Variants in OBSL1 observed in about 807,000 individuals in gnomAD.
OBSL1 encodes the protein obscurin like cytoskeletal adaptor 1, also known as obscurin-like protein 1.
Under a neutral mutation model 172.0 loss-of-function variants are expected in OBSL1, and 160 were observed. The ratio of observed to expected loss-of-function variants is 0.93; its 90% CI spans 0.82 to 1.06. OBSL1 has a LOEUF of 1.06. OBSL1 is among the 50% of genes least tolerant of loss of function. The probability of loss-of-function intolerance (pLI) is 0.00; values close to 1 mark genes in which losing one functional copy is unlikely to be tolerated. For synonymous variants in OBSL1, 1,200 were observed against 1,196.3 expected, an observed-to-expected ratio of 1.00 and a Z score of -0.06; for missense variants, 2,681 against 2,715.4, an observed-to-expected ratio of 0.99 and a Z score of 0.28.
Position 219,554,579 on chromosome 2 carries a change from C to T in OBSL1, c.4771G>A (p.Gly1591Ser), listed in dbSNP as rs771265913. ...TTGAGTACCAGTCGGTGACGGTGGC[C>T]GTCCGAGTGGATGTGACACTTGGGT... ...PGPKCHIHSD[G>S]HRHRLVLNGL... Residue 1591 changes from glycine (G) to serine (S), a missense_variant, in exon 15 of 21, where the codon GGC (glycine) becomes AGC (serine). This residue lies in a region of OBSL1 where 1,765 missense variants were observed against 1,748.3 expected (regional missense o/e 1.01). Transcript: ENST00000404537. 97 of 1,613,216 alleles carry T rather than the reference C, an allele frequency of 6.0e-5. No individual in the cohort carries two copies. The highest frequency in any genetic ancestry group is 8.0e-5 in the African/African-American group (6 of 74,916).
chr2:219,557,005 G>A, intron 12 of OBSL1: 3 of 499,026 alleles, frequency 6.0e-6, no homozygotes, highest in East Asian at 6.1e-5. Flanking sequence ...TGTCACAACA[G>A]GCCTATAAGA....
At chr2:219,547,947 A>G (rs201506311), downstream of OBSL1, 31 of 1,592,482 alleles carry the variant, frequency 1.9e-5, no homozygotes, top group Admixed American at 4.3e-4. Flanking sequence ...TACGTGGTGG[A>G]GCGACTCCGG....
chr2:219,563,770 T>C, intron 6 of OBSL1, 143 bp from the exon 7 acceptor site: 1 of 882,678 alleles, frequency 1.1e-6, no homozygotes, highest in East Asian at 2.5e-5. Context: ...TCAGGGACAA[T>C]GACAAGGAAT....
Position 219,570,301 on chromosome 2 carries a change from G to A in OBSL1, c.932C>T (p.Ala311Val). Reference protein sequence around the residue: ...GFVLKVLYCQAKDRGLYVCAA... With the variant: ...GFVLKVLYCQVKDRGLYVCAA... Reference sequence around the variant, plus strand: ...GCAGACGTAGAGCCCACGATCCTTGGCCTGGCAGTAAAGCACCTTGAGCAC... The same window carrying A: ...GCAGACGTAGAGCCCACGATCCTTGACCTGGCAGTAAAGCACCTTGAGCAC... Residue 311 changes from alanine to valine, a missense_variant, in exon 1 of 21, where the codon GCC (alanine) becomes GTC (valine). Around this residue, in one of 5 missense-constraint regions of OBSL1, gnomAD observed 706 missense variants for 695.8 expected, o/e 1.01. Transcript: ENST00000404537. The A allele has an allele frequency of 6.2e-7, 1 of 1,610,422 alleles. No individual in the cohort carries two copies. Among genetic ancestry groups the A allele is most frequent in the Non-Finnish European group, 8.5e-7 (1 of 1,177,696 alleles).
chr2:219,563,558 A>G lies in OBSL1; in HGVS notation c.2477T>C (p.Met826Thr), dbSNP rs1476978108. 6 of 1,612,796 alleles carry G rather than the reference A, an allele frequency of 3.7e-6. No individual in the cohort carries two copies. In the East Asian group the frequency reaches 6.7e-5, roughly 18 times the overall value. ...CTCTCGGTCCACCTCACAGGCCAGC[A>G]TGACACACTCGGAAGTTATGGCATG... ...FVHAITSECV[M>T]LACEVDREDA... The change falls in exon 7 of 21, where the codon ATG becomes ACG. Residue 826 changes from methionine (M) to threonine (T), a missense_variant. Physicochemically the swap from Met to Thr is moderately conservative, Grantham distance 81. Transcript: ENST00000404537.
chr2:219,557,892 C>T lies in OBSL1; in HGVS notation c.3721G>A (p.Gly1241Arg). Residue 1241 changes from glycine to arginine, a missense_variant, in exon 11 of 21, where the codon GGG (glycine) becomes AGG (arginine). Gly to Arg is a moderately radical substitution (Grantham distance 125). Transcript: ENST00000404537. ...CIQAAGPAHA[G>R]LYTCQSGAAP... The stretch of plus-strand genomic sequence containing the variant: ...GCTCCAGACTGGCAGGTGTAGAGCC[C>T]TGCATGGGCTGGGCCTGCAGCCTGG... 1.2e-6 allele frequency: 2 copies of T among 1,602,054 alleles called. No homozygotes were observed. Among genetic ancestry groups the T allele is most frequent in the Admixed American group, 1.7e-5 (1 of 59,988 alleles).
At position 219,563,569 on chromosome 2, in the gene OBSL1, G is replaced by A. The variant is rs146306059; in HGVS notation, c.2466C>T (p.Ser822=). 2.7e-4 allele frequency: 429 copies of A among 1,613,794 alleles called. No individual in the cohort carries two copies. In the African/African-American group the frequency reaches 5.0e-3, roughly 19 times the overall value. Residue 822 remains serine (S), a synonymous_variant, in exon 7 of 21, where the codon TCC becomes TCT. Coordinates refer to ENST00000404537, the MANE Select transcript of OBSL1 (RefSeq NM_015311.3). ...REHVFVHAIT[S]ECVMLACEVD... Reference sequence around the variant, plus strand: ...CCTCACAGGCCAGCATGACACACTCGGAAGTTATGGCATGCACGAACACAT... The same window carrying A: ...CCTCACAGGCCAGCATGACACACTCAGAAGTTATGGCATGCACGAACACAT...
Position 219,552,876 on chromosome 2 carries a change from G to T in OBSL1, c.5138C>A (p.Thr1713Asn), listed in dbSNP as rs949715202. ...CATCACCCCGTACCCACCGCGCACGGTCAGGCGGACCGGTCCGGCGCGGGC... is the reference window on the plus strand; with the variant it reads ...CATCACCCCGTACCCACCGCGCACGTTCAGGCGGACCGGTCCGGCGCGGGC... ...GTARAGPVRL[T>N]VRERTVAVLS... Residue 1713 changes from threonine to asparagine, a missense_variant, in exon 17 of 21, where the codon ACC becomes AAC. Transcript: ENST00000404537. The T allele has an allele frequency of 6.5e-7, 1 of 1,542,606 alleles. No individual in the cohort carries two copies. The highest frequency in any genetic ancestry group is 8.7e-7 in the Non-Finnish European group (1 of 1,145,350).
chr2:219,557,722 G>T (rs1438665817), intron 11 of OBSL1, 101 bp downstream of exon 11: 4 of 1,534,340 alleles, frequency 2.6e-6, no homozygotes, highest in African/African-American at 2.8e-5. Context: ...TGGGGCCAGG[G>T]ATGGGCAAGG....
At position 219,561,945 on chromosome 2, in the gene OBSL1, G is replaced by A. The variant is rs867064806; in HGVS notation, c.2953+457C>T. On this transcript the variant is annotated intron_variant, in intron 8 of 20. Coordinates refer to ENST00000404537, the MANE Select transcript of OBSL1 (RefSeq NM_015311.3). The stretch of plus-strand genomic sequence containing the variant: ...GCGGGACCAGAGCCGCCGGGTCTTC[G>A]GCTTTTTCAAGAGGACGCATAACTC... The A allele has an allele frequency of 8.1e-5, 58 of 717,398 alleles. No individual in the cohort carries two copies. In the African/African-American group the frequency reaches 8.2e-4, roughly 10 times the overall value. The allele number at this position is 717,398 out of a possible 1,614,324, so 44.4% of individuals were successfully genotyped here.
In OBSL1 at chr2:219,570,584, G is replaced by A; in HGVS notation, c.649C>T (p.His217Tyr). 1 of 1,520,266 alleles carries A rather than the reference G, an allele frequency of 6.6e-7. No individual in the cohort carries two copies. The allele number at this position is 1,520,266 out of a possible 1,614,324, so 94.2% of individuals were successfully genotyped here. The change falls in exon 1 of 21, where the codon CAC becomes TAC. Residue 217 changes from histidine to tyrosine, a missense_variant. Around this residue, in one of 5 missense-constraint regions of OBSL1, gnomAD observed 706 missense variants for 695.8 expected, o/e 1.01. Coordinates refer to ENST00000404537, the MANE Select transcript of OBSL1 (RefSeq NM_015311.3). Reference protein sequence around the residue: ...YVCHARNAHGHAQAGALLQVH... With the variant: ...YVCHARNAHGYAQAGALLQVH... The stretch of plus-strand genomic sequence containing the variant: ...TGGAGCAGCGCCCCCGCCTGCGCGT[G>A]GCCGTGCGCGTTGCGGGCGTGGCAC...
rs909076054 is a variant in OBSL1 at position 219,554,332 on chromosome 2, C to T, written c.4876+142G>A. 43 of 1,038,112 alleles carry T rather than the reference C, an allele frequency of 4.1e-5. No homozygotes were observed. In the Admixed American group the frequency reaches 4.9e-4, roughly 12 times the overall value. 64.3% of individuals were successfully genotyped at this position (1,038,112 alleles called of 1,614,324 possible). On this transcript the variant is annotated intron_variant, in intron 15 of 20. Transcript: ENST00000404537. ...CAGGGCCTATGAGTCAGGGGGATCA[C>T]ACTCTGGCAGGGATGTCAATGAGGG...
At position 219,568,795 on chromosome 2, in the gene OBSL1, A is replaced by G. The variant is rs1697122741; in HGVS notation, c.1013-471T>C. Among the ~76,000 whole-genome samples the G allele has an allele frequency of 6.6e-6, 1 of 151,518 alleles. No individual in the cohort carries two copies. The highest frequency in any genetic ancestry group is 1.5e-5 in the Non-Finnish European group (1 of 67,906). On this transcript the variant is annotated intron_variant, in intron 1 of 20. Coordinates refer to ENST00000404537, the MANE Select transcript of OBSL1 (RefSeq NM_015311.3). The surrounding 1 kb of genome is among the most constrained non-coding windows in gnomAD (Gnocchi z 4.1). Reference sequence around the variant, plus strand: ...AGTCTCGCTCTGTTGCCCAGGCTGGAGTGCAGTCGCGCAATCTCGGCTCAC... The same window carrying G: ...AGTCTCGCTCTGTTGCCCAGGCTGGGGTGCAGTCGCGCAATCTCGGCTCAC...
rs1380656179 is a variant in OBSL1 at position 219,565,516 on chromosome 2, T to C, written c.2135-2A>G. The stretch of plus-strand genomic sequence containing the variant: ...GGCTCAGGATGTGCACCGGGCTCTC[T>C]GTGTGGGGAGAAGTACAGATAAGCA... On this transcript the variant is annotated splice_acceptor_variant, in intron 5 of 20. Transcript: ENST00000404537. LOFTEE classifies it high-confidence loss of function. 1.9e-6 allele frequency: 3 copies of C among 1,604,264 alleles called. No homozygotes were observed. Among genetic ancestry groups the C allele is most frequent in the Admixed American group, 1.7e-5 (1 of 60,004 alleles).
At chr2:219,565,720 C>T (rs187611415) in intron 5 of OBSL1, among the ~76,000 whole-genome samples, 123 of 152,280 alleles carry the variant, frequency 8.1e-4, no homozygotes, top group Admixed American at 2.1e-3. Flanking sequence ...TTCCCAAGCA[C>T]GCAGGGGCCA....
chr2:219,563,552 G>A lies in OBSL1; in HGVS notation c.2483C>T (p.Ala828Val), dbSNP rs1175896688. The change falls in exon 7 of 21, where the codon GCC (alanine) becomes GTC (valine). Residue 828 changes from alanine to valine, a missense_variant. Transcript: ENST00000404537. The stretch of plus-strand genomic sequence containing the variant: ...GGCGTCCTCTCGGTCCACCTCACAG[G>A]CCAGCATGACACACTCGGAAGTTAT... ...HAITSECVML[A>V]CEVDREDAPV... The A allele has an allele frequency of 1.9e-6, 3 of 1,613,656 alleles. No individual in the cohort carries two copies. Among genetic ancestry groups the A allele is most frequent in the Non-Finnish European group, 1.7e-6 (2 of 1,179,850 alleles).
In OBSL1 at chr2:219,551,699, T is replaced by C. The variant is rs1695621245; in HGVS notation, c.5513A>G (p.His1838Arg). 1 of 1,610,948 alleles carries C rather than the reference T, an allele frequency of 6.2e-7. No homozygotes were observed. Among genetic ancestry groups the C allele is most frequent in the East Asian group, 2.2e-5 (1 of 44,872 alleles). Residue 1838 changes from histidine to arginine, a missense_variant, in exon 20 of 21, where the codon CAC becomes CGC. Physicochemically the swap from His to Arg is conservative, Grantham distance 29. This residue lies in a region of OBSL1 where 1,765 missense variants were observed against 1,748.3 expected (regional missense o/e 1.01). Transcript: ENST00000404537. ...GGCCCCCTCCCGCAGCCAGCACACGTGGCCCCCCGAGCGGGACACAGTCAC... is the reference window on the plus strand; with the variant it reads ...GGCCCCCTCCCGCAGCCAGCACACGCGGCCCCCCGAGCGGGACACAGTCAC... ...LEVTVSRSGGHVCWLREGAEL... is the reference protein window; with the variant it reads ...LEVTVSRSGGRVCWLREGAEL...
intron 20 of OBSL1, 71 bp downstream of exon 20, chr2:219,551,458 T>C (rs1695605313): frequency 1.4e-6 from 2 of 1,451,350 alleles, no homozygotes; most frequent in African/African-American, 2.8e-5. Context: ...AAGCCTCCCA[T>C]AGGTGTGGCT....
In OBSL1 at chr2:219,556,814, G is replaced by A. The variant is rs1033439630; in HGVS notation, c.4067-91C>T. On this transcript the variant is annotated intron_variant, in intron 12 of 20. Coordinates refer to ENST00000404537, the MANE Select transcript of OBSL1 (RefSeq NM_015311.3). Reference sequence around the variant, plus strand: ...CTCAGGATGCAGGCCCTCGTCCCCAGTCATTTAACAGACCTTCTGTGAGGA... The same window carrying A: ...CTCAGGATGCAGGCCCTCGTCCCCAATCATTTAACAGACCTTCTGTGAGGA... 5.1e-6 allele frequency: 7 copies of A among 1,374,988 alleles called. No homozygotes were observed. In the African/African-American group the frequency reaches 8.7e-5, roughly 17 times the overall value. 85.2% of individuals were successfully genotyped at this position (1,374,988 alleles called of 1,614,324 possible).
Sources: allele counts gnomAD v4.1 joint callset (sites outside exome capture counted in the v4.1 genomes callset), GRCh38; gene constraint gnomAD v4.1.1; regional missense constraint gnomAD v4.1.1; non-coding constraint Gnocchi (gnomAD v3.1); transcripts MANE v1.5; gene names NCBI Gene and HGNC (gene_info 2026-07-23, HGNC 2026-07-21).